TLE2: variants seen among roughly 807,000 people sequenced by gnomAD.
The protein encoded by TLE2 is transducin-like enhancer protein 2.
In TLE2, 74 loss-of-function variants were observed where a neutral mutation model predicts 97.2. The ratio of observed to expected loss-of-function variants is 0.76; its 90% CI spans 0.63 to 0.92. The LOEUF is 0.92. Among genes scored for constraint, TLE2 ranks in the 40% least tolerant of loss-of-function variants. The pLI is 0.00. For synonymous variants in TLE2, 499 were observed against 432.1 expected (o/e 1.15, Z -1.92); for missense variants, 1,038 against 1,008.7 (o/e 1.03, Z -0.39).
intron 8 of TLE2, chr19:3,016,018 C>A: frequency 1.8e-6 from 1 of 560,530 alleles, no homozygotes; most frequent in Non-Finnish European, 3.4e-6. Context: ...CCCACTGAGA[C>A]CCCCGCCTCC....
chr19:3,001,448 TATCCCATGTACTATTTA>T (rs1391065570), intron 18 of TLE2, among the ~76,000 whole-genome samples: 1 of 151,798 alleles, frequency 6.6e-6, no homozygotes, highest in African/African-American at 2.4e-5. Flanking sequence ...TGGTATAAGA[TATCCCATGTACTATTTA>T]GGATATACTT....
intron 1 of TLE2, among the ~76,000 whole-genome samples, chr19:3,041,729 G>A (rs1292668464): frequency 6.6e-6 from 1 of 152,242 alleles, no homozygotes; most frequent in East Asian, 1.9e-4. Context: ...TGATACCCAA[G>A]CCTGGCACAC....
rs770021075 is a variant in TLE2 at position 3,006,582 on chromosome 19, C to A, written c.1338G>T (p.Arg446=). ...CCAGCGTGTGCAGCTGCCGGGCGTG[C>A]CGCGGGATGCCCGCGCCTACCAGTG... is the stretch of plus-strand genomic sequence containing the variant. ...SDALVGAGIP[R]HARQLHTLAH... Residue 446 remains arginine, a synonymous_variant, in exon 15 of 20, where the codon CGG becomes CGT. Transcript: ENST00000262953. 8.1e-6 allele frequency: 13 copies of A among 1,605,428 alleles called. No individual in the cohort carries two copies. Among genetic ancestry groups the A allele is most frequent in the Admixed American group, 5.1e-5 (3 of 58,934 alleles).
At chr19:3,000,277 A>G (rs1183735075) in intron 19 of TLE2, among the ~76,000 whole-genome samples, 3 of 151,230 alleles carry the variant, frequency 2.0e-5, no homozygotes, top group Non-Finnish European at 1.5e-5. Context: ...GGTTTTCACC[A>G]TATTAGCCAG....
intron 1 of TLE2, among the ~76,000 whole-genome samples, chr19:3,040,465 C>T (rs1433218358): frequency 4.6e-5 from 7 of 151,908 alleles, no homozygotes; most frequent in South Asian, 2.1e-4. Context: ...CTCAGCCTCC[C>T]GAGTAGCTGG....
intron 8 of TLE2, among the ~76,000 whole-genome samples, chr19:3,017,443 T>C (rs986087466): frequency 2.3e-5 from 3 of 127,938 alleles, no homozygotes; most frequent in African/African-American, 7.1e-5. Context: ...TTTTTTTTTT[T>C]CTTTCTTTCT....
intron 5 of TLE2, among the ~76,000 whole-genome samples, chr19:3,023,491 C>G (rs997505008): frequency 6.6e-6 from 1 of 152,206 alleles, no homozygotes; most frequent in African/African-American, 2.4e-5. Flanking sequence ...AACTGAGCAT[C>G]TCCCCTCTGG....
Position 2,997,814 on chromosome 19 carries a change from T to G in TLE2, c.*34A>C. The G allele has an allele frequency of 6.7e-7, 1 of 1,497,258 alleles. No homozygotes were observed. Among genetic ancestry groups the G allele is most frequent in the Admixed American group, 1.9e-5 (1 of 53,386 alleles). 92.7% of individuals were successfully genotyped at this position (1,497,258 alleles called of 1,614,324 possible). A position where few individuals can be genotyped will look rare whatever the true frequency, so the allele number is the denominator to read the frequency against. ...TCCTGGCTGCTGATTCCCCTGGGAG[T>G]CTGGACTTCGGGTACAGGAAGGGGG... On this transcript the variant is annotated 3_prime_UTR_variant, in exon 20 of 20. Coordinates refer to ENST00000262953, the MANE Select transcript of TLE2 (RefSeq NM_003260.5).
upstream of TLE2, chr19:3,029,558 CGGGGGGG>C: frequency 4.4e-6 from 1 of 225,166 alleles, no homozygotes; most frequent in Non-Finnish European, 6.1e-6. Flanking sequence ...ACCGTGGGAG[CGGGGGGG>C]GGGGCTTGCG....
intron 1 of TLE2, among the ~76,000 whole-genome samples, chr19:3,039,974 T>C (rs922888364): frequency 2.6e-5 from 4 of 152,208 alleles, no homozygotes; most frequent in African/African-American, 4.8e-5. Flanking sequence ...AATAGCTCGA[T>C]AGATGAAAAG....
At chr19:3,014,647 G>A (rs1486623012) in intron 9 of TLE2, 33 bp from the exon 10 acceptor site, 2 of 1,567,812 alleles carry the variant, frequency 1.3e-6, no homozygotes, top group African/African-American at 1.4e-5. Context: ...GCTCATTGTG[G>A]TCATGCCCCT....
At chr19:3,024,521 C>A (rs2089906720) in intron 5 of TLE2, among the ~76,000 whole-genome samples, 1 of 151,998 alleles carries the variant, frequency 6.6e-6, no homozygotes, top group Non-Finnish European at 1.5e-5. Context: ...ACCCTGGGAC[C>A]TCCTAGGAGT....
chr19:3,031,706 GCACAGT>G (rs2090026476), upstream of TLE2, among the ~76,000 whole-genome samples: 1 of 152,032 alleles, frequency 6.6e-6, no homozygotes, highest in Non-Finnish European at 1.5e-5. Context: ...CTCACACCAG[GCACAGT>G]CCAGCCTCAG....
At position 3,009,664 on chromosome 19, in the gene TLE2, T is replaced by C; in HGVS notation, c.1051A>G (p.Thr351Ala). The change falls in exon 13 of 20, where the codon ACG becomes GCG. Residue 351 changes from threonine to alanine, a missense_variant. Transcript: ENST00000262953. The part of the protein sequence containing the change: ...SPLTLSSPFT[T>A]SFSLGSHSTL... ...CTGTGGGAGCCCAGGCTGAAGGACG[T>C]GGTGAAGGGACTGGACAGAGTCAGG... 2 of 1,612,874 alleles carry C rather than the reference T, an allele frequency of 1.2e-6. No homozygotes were observed. Among genetic ancestry groups the C allele is most frequent in the South Asian group, 2.2e-5 (2 of 90,766 alleles).
intron 1 of TLE2, among the ~76,000 whole-genome samples, chr19:3,036,409 A>G (rs1417737981): frequency 6.6e-6 from 1 of 152,082 alleles, no homozygotes; most frequent in Non-Finnish European, 1.5e-5. Flanking sequence ...CCGGCGCGGT[A>G]TAATTACAGC....
At chr19:3,003,260 G>A (rs1339830066) in intron 17 of TLE2, among the ~76,000 whole-genome samples, 1 of 152,202 alleles carries the variant, frequency 6.6e-6, no homozygotes, top group African/African-American at 2.4e-5. Context: ...GAAGGGAACA[G>A]CCAGGCAAGG....
chr19:3,005,511 C>A lies in TLE2; in HGVS notation c.1822G>T (p.Gly608Cys). Residue 608 changes from glycine (G) to cysteine (C), a missense_variant, in exon 17 of 20, where the codon GGC becomes TGC. Coordinates refer to ENST00000262953, the MANE Select transcript of TLE2 (RefSeq NM_003260.5). ...SDYGTRLWTG[G>C]LDNTVRCWDL... ...CAGCAGCGCACCGTGTTGTCCAGGC[C>A]CCCTGTCCAGAGCCGAGTGCCGTAA... 1 of 1,613,770 alleles carries A rather than the reference C, an allele frequency of 6.2e-7. No individual in the cohort carries two copies. The highest frequency in any genetic ancestry group is 8.5e-7 in the Non-Finnish European group (1 of 1,179,806).
At chr19:3,043,623 C>T (rs2090120757) in intron 1 of TLE2, among the ~76,000 whole-genome samples, 2 of 147,020 alleles carry the variant, frequency 1.4e-5, no homozygotes, top group Non-Finnish European at 3.0e-5. Flanking sequence ...CATGGTGAAA[C>T]CCCGTCTCTA....
chr19:3,004,282 G>A (rs952874481), intron 17 of TLE2, among the ~76,000 whole-genome samples: 5 of 152,110 alleles, frequency 3.3e-5, no homozygotes, highest in Non-Finnish European at 7.4e-5. Context: ...CCTAAGCTTC[G>A]GGGCCACGGG....
Sources: gnomAD v4.1 joint callset for allele counts (sites outside exome capture counted in the v4.1 genomes callset) on GRCh38, gnomAD v4.1.1 for gene constraint, MANE v1.5 for transcripts, NCBI Gene and HGNC (gene_info 2026-07-23, HGNC 2026-07-21) for gene names.